SPTLC2: variants seen among roughly 807,000 people sequenced by gnomAD.
SPTLC2 encodes serine palmitoyltransferase long chain base subunit 2.
A neutral mutation model predicts 62.0 loss-of-function variants in SPTLC2; 21 were observed. The observed-to-expected ratio is 0.34, with a 90% CI of 0.24 to 0.49. SPTLC2 has a LOEUF of 0.49. Ranked by LOEUF, SPTLC2 falls within the 20% of genes least tolerant of loss-of-function variation. SPTLC2 has a pLI of 0.99. For synonymous variants in SPTLC2, 261 were observed against 261.8 expected, an observed-to-expected ratio of 1.00 and a Z score of 0.03; for missense variants, 511 against 713.0, an observed-to-expected ratio of 0.72 and a Z score of 3.23.
At chr14:77,550,314 C>T (rs908786418) in intron 9 of SPTLC2, among the ~76,000 whole-genome samples, 3 of 152,218 alleles carry the variant, frequency 2.0e-5, no homozygotes, top group Non-Finnish European at 4.4e-5. Flanking sequence ...GTGGCTTACG[C>T]CTGTAATCCC....
chr14:77,534,174 TCTCTCACACACA>T (rs1246746281), intron 9 of SPTLC2, among the ~76,000 whole-genome samples: 1 of 87,474 alleles, frequency 1.1e-5, no homozygotes, highest in South Asian at 5.2e-4. Context: ...TTTCTCTCTC[TCTCTCACACACA>T]CACACACACA....
chr14:77,513,638 A>G (rs542383701), intron 11 of SPTLC2, among the ~76,000 whole-genome samples: 21 of 152,144 alleles, frequency 1.4e-4, no homozygotes, highest in Non-Finnish European at 2.1e-4. Flanking sequence ...TCATGTCTGT[A>G]TAATTCCAGC....
At chr14:77,529,759 A>T (rs1178835365) in intron 9 of SPTLC2, among the ~76,000 whole-genome samples, 2 of 151,028 alleles carry the variant, frequency 1.3e-5, no homozygotes, top group Non-Finnish European at 2.9e-5. Context: ...AGTAGCTGGG[A>T]TTACAGATGT....
chr14:77,559,448 C>G (rs1018559910), intron 6 of SPTLC2, among the ~76,000 whole-genome samples: 12 of 152,126 alleles, frequency 7.9e-5, no homozygotes, highest in Non-Finnish European at 1.6e-4. Context: ...CGCAAAACTC[C>G]CAGAAGAAAA....
In SPTLC2 at chr14:77,511,079, A is replaced by G. The variant is rs940586757; in HGVS notation, c.*1205T>C. On this transcript the variant is annotated 3_prime_UTR_variant, in exon 12 of 12. Transcript: ENST00000216484. ...TTCAGAATTTCTCAGAAAAAAATAA[A>G]AAATATGTAGACAGGCAGACCCTAG... 2.0e-5 allele frequency: 3 copies of G among 152,286 alleles called. No individual in the cohort carries two copies. The highest frequency in any genetic ancestry group is 7.2e-5 in the African/African-American group (3 of 41,454). The allele number at this position is 152,286 out of a possible 1,614,324, so 9.4% of individuals were successfully genotyped here. A position where few individuals can be genotyped will look rare whatever the true frequency, so the allele number is the denominator to read the frequency against.
intron 2 of SPTLC2, among the ~76,000 whole-genome samples, chr14:77,588,538 A>C (rs1008248348): frequency 3.3e-5 from 5 of 151,942 alleles, no homozygotes; most frequent in East Asian, 1.9e-4. Context: ...AAAAAAAAAA[A>C]AACAAAAATT....
rs947759055 is a variant in SPTLC2 at position 77,616,637 on chromosome 14, T to A, written c.-58A>T. ...TGTAGGCGGTGGCAGCGGCGGCGGC[T>A]GCTCCAAGTCCCGCTCCGCACCCCA... On this transcript the variant is annotated 5_prime_UTR_variant, in exon 1 of 12. Coordinates refer to ENST00000216484, the MANE Select transcript of SPTLC2 (RefSeq NM_004863.4). 2.0e-6 allele frequency: 3 copies of A among 1,503,122 alleles called. No homozygotes were observed. The highest frequency in any genetic ancestry group is 2.7e-6 in the Non-Finnish European group (3 of 1,120,548). The allele number at this position is 1,503,122 out of a possible 1,614,324, so 93.1% of individuals were successfully genotyped here.
intron 9 of SPTLC2, among the ~76,000 whole-genome samples, chr14:77,551,525 T>A (rs1379462446): frequency 3.3e-5 from 5 of 152,056 alleles, no homozygotes; most frequent in African/African-American, 1.2e-4. Context: ...AATACTGCCC[T>A]CTGGTGTTGC....
In SPTLC2 at chr14:77,519,611, G is replaced by C. The variant is rs570603525; in HGVS notation, c.1440-1444C>G. Among the ~76,000 whole-genome samples the C allele has an allele frequency of 2.0e-5, 3 of 152,172 alleles. No individual in the cohort carries two copies. The South Asian group carries it at 6.2e-4, about 32-fold the overall frequency. ...CACACATCTGTAATCCCAGCTACTG[G>C]GGAGGCGGAAGCACAAGATTTGCTT... On this transcript the variant is annotated intron_variant, in intron 10 of 11. Coordinates refer to ENST00000216484, the MANE Select transcript of SPTLC2 (RefSeq NM_004863.4).
chr14:77,550,850 G>A (rs944718750), intron 9 of SPTLC2, among the ~76,000 whole-genome samples: 2 of 150,950 alleles, frequency 1.3e-5, no homozygotes, highest in Non-Finnish European at 2.9e-5. Context: ...GTTGCTGTGA[G>A]CTGAGATCGC....
intron 10 of SPTLC2, among the ~76,000 whole-genome samples, chr14:77,519,053 GT>G (rs1182839219): frequency 5.3e-5 from 8 of 151,630 alleles, no homozygotes; most frequent in East Asian, 1.9e-4. Context: ...AATTATGTGG[GT>G]TTTTTTTTGA....
At chr14:77,513,472 G>A (rs1483373867) in intron 11 of SPTLC2, among the ~76,000 whole-genome samples, 1 of 152,084 alleles carries the variant, frequency 6.6e-6, no homozygotes, top group Non-Finnish European at 1.5e-5. Flanking sequence ...TCACAACAGC[G>A]GTACCTCTGA....
intron 4 of SPTLC2, among the ~76,000 whole-genome samples, chr14:77,572,703 T>G (rs1423862862): frequency 6.6e-6 from 1 of 152,236 alleles, no homozygotes; most frequent in Non-Finnish European, 1.5e-5. Flanking sequence ...TTATTTTAGC[T>G]AGATCTTCTG....
intron 8 of SPTLC2, among the ~76,000 whole-genome samples, chr14:77,554,284 C>T (rs1320088269): frequency 6.6e-6 from 1 of 152,188 alleles, no homozygotes; most frequent in South Asian, 2.1e-4. Context: ...GCCACATACA[C>T]AGAATTCACC....
chr14:77,570,650 A>C (rs924892948), intron 4 of SPTLC2, 142 bp from the exon 5 acceptor site: 127 of 944,730 alleles, frequency 1.3e-4, no homozygotes, highest in Admixed American at 1.0e-3. Flanking sequence ...TATGAAGAGT[A>C]ATATTCTTCA....
Position 77,512,293 on chromosome 14 carries a change from T to C in SPTLC2, c.1680A>G (p.Thr560=). 1.9e-6 allele frequency: 3 copies of C among 1,614,116 alleles called. No homozygotes were observed. Among genetic ancestry groups the C allele is most frequent in the Non-Finnish European group, 2.5e-6 (3 of 1,180,024 alleles). The change falls in exon 12 of 12, where the codon ACA becomes ACG. Residue 560 remains threonine, a synonymous_variant. Transcript: ENST00000216484. ...GGAGCACCAAAAAGGCTCAGTCTTCTGTTTCTTCATACGTCGTCTCGTCAA... is the reference window on the plus strand; with the variant it reads ...GGAGCACCAAAAAGGCTCAGTCTTCCGTTTCTTCATACGTCGTCTCGTCAA... ...RPFDETTYEE[T]ED
chr14:77,613,837 G>A (rs1028957592), intron 1 of SPTLC2, among the ~76,000 whole-genome samples: 21 of 152,136 alleles, frequency 1.4e-4, no homozygotes, highest in African/African-American at 5.1e-4. Flanking sequence ...CAAGCACATC[G>A]CTTTAATTAA....
At chr14:77,535,784 T>G (rs1432518663) in intron 9 of SPTLC2, 6 of 332,330 alleles carry the variant, frequency 1.8e-5, no homozygotes, top group Non-Finnish European at 3.5e-5. Flanking sequence ...TTTGCTTGAC[T>G]GATTCCTCTA....
chr14:77,516,008 G>A (rs1437785930), intron 11 of SPTLC2, among the ~76,000 whole-genome samples: 1 of 14,712 alleles, frequency 6.8e-5, no homozygotes, highest in Non-Finnish European at 3.1e-4. Context: ...GTGTGTGTGC[G>A]CGCGCGCGCA....
Sources: gnomAD v4.1 joint callset for allele counts (sites outside exome capture counted in the v4.1 genomes callset) on GRCh38, gnomAD v4.1.1 for gene constraint, MANE v1.5 for transcripts, NCBI Gene and HGNC (gene_info 2026-07-23, HGNC 2026-07-21) for gene names.